Variants in BAHD1 observed in about 807,000 individuals in gnomAD.
BAHD1 encodes bromo adjacent homology domain-containing 1 protein.
Under a neutral mutation model 63.1 loss-of-function variants are expected in BAHD1, and 20 were observed. The ratio of observed to expected loss-of-function variants is 0.32; its 90% CI spans 0.22 to 0.46. BAHD1 has a LOEUF of 0.46. Ranked by LOEUF, BAHD1 falls within the 20% of genes least tolerant of loss-of-function variation. The pLI, the probability that BAHD1 is intolerant of heterozygous loss-of-function variation, is 1.00. For synonymous variants in BAHD1, 408 were observed against 426.8 expected, an observed-to-expected ratio of 0.96 and a Z score of 0.54; for missense variants, 939 against 1,071.8, an observed-to-expected ratio of 0.88 and a Z score of 1.73.
At position 40,459,202 on chromosome 15, in the gene BAHD1, G is replaced by A. The variant is rs200004145; in HGVS notation, c.738G>A (p.Arg246=). ...STEPPAPKAP[R]PKWPKVNGKN... ...AGCCCCCAGCACCCAAGGCCCCGAG[G>A]CCAAAGTGGCCCAAGGTCAATGGCA... Residue 246 remains arginine (R), a synonymous_variant, in exon 2 of 7, where the codon AGG becomes AGA. Transcript: ENST00000416165. 315 of 1,611,950 alleles carry A rather than the reference G, an allele frequency of 2.0e-4. 1 individual carries two copies. The highest frequency in any genetic ancestry group is 1.1e-5 in the South Asian group (1 of 90,976).
rs1457296706 is a variant in BAHD1 at position 40,466,018 on chromosome 15, A to G, written c.2231A>G (p.Tyr744Cys). Residue 744 changes from tyrosine to cysteine, a missense_variant, in exon 7 of 7, where the codon TAT becomes TGT. Around this residue, in one of 5 missense-constraint regions of BAHD1, gnomAD observed 68 missense variants for 86.2 expected, o/e 0.79. Coordinates refer to ENST00000416165, the MANE Select transcript of BAHD1 (RefSeq NM_014952.5). ...GCACTGGTTCCCCCCTCTGCAGACT[A>G]TTCCACCCCACCCCACCGCACAGTG... ...KTALVPPSAD[Y>C]STPPHRTVPE... 2 of 1,613,874 alleles carry G rather than the reference A, an allele frequency of 1.2e-6. No homozygotes were observed. The highest frequency in any genetic ancestry group is 1.7e-6 in the Non-Finnish European group (2 of 1,179,880).
At chr15:40,455,979 T>C (rs1217599946) in intron 1 of BAHD1, among the ~76,000 whole-genome samples, 1 of 152,134 alleles carries the variant, frequency 6.6e-6, no homozygotes, top group Non-Finnish European at 1.5e-5. Flanking sequence ...TTGTTGTTGT[T>C]GTTGTTGTTT....
chr15:40,437,827 G>C (rs1009157134), upstream of BAHD1, among the ~76,000 whole-genome samples: 67 of 152,198 alleles, frequency 4.4e-4, no homozygotes, highest in African/African-American at 1.6e-3. Flanking sequence ...GGGCTGGGCT[G>C]GAGATGACCG....
At position 40,467,142 on chromosome 15, in the gene BAHD1, G is replaced by A. The variant is rs1403709373; in HGVS notation, c.*1012G>A. The A allele has an allele frequency of 6.5e-6, 1 of 152,688 alleles. No individual in the cohort carries two copies. Among genetic ancestry groups the A allele is most frequent in the East Asian group, 1.9e-4 (1 of 5,194 alleles). 9.5% of individuals were successfully genotyped at this position (152,688 alleles called of 1,614,324 possible). ...CCTAGCAAGAATCAACACTGTATCA[G>A]TCCACGGACCTGCTGAGCTGCAGCC... On this transcript the variant is annotated 3_prime_UTR_variant, in exon 7 of 7. Transcript: ENST00000416165.
upstream of BAHD1, among the ~76,000 whole-genome samples, chr15:40,439,126 C>T (rs603787): frequency 0.36 from 55,021 of 152,110 alleles, 13,456 homozygotes; most frequent in East Asian, 0.7. Flanking sequence ...AATCTTTCAG[C>T]GTCCTACTTT....
chr15:40,460,949 T>TC (rs1180349630), intron 2 of BAHD1, among the ~76,000 whole-genome samples: 1 of 152,134 alleles, frequency 6.6e-6, no homozygotes, highest in African/African-American at 2.4e-5. Context: ...TAGACCCTTA[T>TC]CCCCTCTCCC....
At chr15:40,443,039 A>G (rs1893446386) in intron 1 of BAHD1, among the ~76,000 whole-genome samples, 2 of 152,206 alleles carry the variant, frequency 1.3e-5, no homozygotes, top group African/African-American at 2.4e-5. Context: ...CATGCCCTCC[A>G]TGTGAACCCC....
upstream of BAHD1, among the ~76,000 whole-genome samples, chr15:40,437,738 C>A (rs1384483538): frequency 1.3e-5 from 2 of 152,208 alleles, no homozygotes; most frequent in East Asian, 3.8e-4. Flanking sequence ...CGTTGGGGTG[C>A]CCTGCCTGGT....
chr15:40,460,921 T>G (rs980570446), intron 2 of BAHD1, among the ~76,000 whole-genome samples: 1 of 152,234 alleles, frequency 6.6e-6, no homozygotes, highest in Non-Finnish European at 1.5e-5. Flanking sequence ...CTTCTTTTTT[T>G]GTGCCATTCC....
chr15:40,458,890 C>A lies in BAHD1; in HGVS notation c.426C>A (p.Gly142=). The change falls in exon 2 of 7, where the codon GGC becomes GGA. Residue 142 remains glycine (G), a synonymous_variant. Transcript: ENST00000416165. The surrounding 1 kb of genome is among the most constrained non-coding windows in gnomAD (Gnocchi z 4.7). ...LEREDTSSLA[G]TRRSRAGDPH... is the part of the protein sequence containing the mutation. ...GAGAGGACACCAGCAGCCTGGCAGG[C>A]ACCCGCCGCAGTCGAGCAGGGGATC... 1 of 1,588,688 alleles carries A rather than the reference C, an allele frequency of 6.3e-7. No homozygotes were observed. The highest frequency in any genetic ancestry group is 8.6e-7 in the Non-Finnish European group (1 of 1,166,300).
upstream of BAHD1, among the ~76,000 whole-genome samples, chr15:40,440,459 G>C (rs1207100973): frequency 1.3e-5 from 2 of 151,928 alleles, no homozygotes; most frequent in East Asian, 3.9e-4. Context: ...AGCAGCCTCC[G>C]GCGAGGATGG....
In BAHD1 at chr15:40,466,238, C is replaced by G; in HGVS notation, c.*108C>G. 1.2e-5 allele frequency: 12 copies of G among 981,756 alleles called. No homozygotes were observed. The highest frequency in any genetic ancestry group is 1.8e-5 in the South Asian group (1 of 56,948). The allele number at this position is 981,756 out of a possible 1,614,324, so 60.8% of individuals were successfully genotyped here. On this transcript the variant is annotated 3_prime_UTR_variant, in exon 7 of 7. Transcript: ENST00000416165. Reference sequence around the variant, plus strand: ...AGGGGGCCACAGAGGCCTAAGTTTGCTGGCCTGTGGTTTTCTTGGGGGGGA... The same window carrying G: ...AGGGGGCCACAGAGGCCTAAGTTTGGTGGCCTGTGGTTTTCTTGGGGGGGA...
chr15:40,440,631 T>C (rs2141456468), upstream of BAHD1, among the ~76,000 whole-genome samples: 1 of 151,924 alleles, frequency 6.6e-6, no homozygotes, highest in East Asian at 1.9e-4. Context: ...CGGGCTCAGG[T>C]TCTGAAGACG....
upstream of BAHD1, among the ~76,000 whole-genome samples, chr15:40,437,836 C>T (rs1893308101): frequency 1.3e-5 from 2 of 152,086 alleles, no homozygotes. Flanking sequence ...TGGAGATGAC[C>T]GAGCAGCCAG....
chr15:40,442,432 C>T (rs755967129), intron 1 of BAHD1, among the ~76,000 whole-genome samples: 8 of 152,114 alleles, frequency 5.3e-5, no homozygotes, highest in Non-Finnish European at 1.0e-4. Context: ...GGGGTGTATG[C>T]TCATGATGTG....
chr15:40,448,689 A>C (rs529883175), intron 1 of BAHD1, among the ~76,000 whole-genome samples: 20 of 152,206 alleles, frequency 1.3e-4, no homozygotes, highest in African/African-American at 4.6e-4. Flanking sequence ...GGCACACACC[A>C]CCATGCCCGA....
rs886082428 is a variant in BAHD1 at position 40,459,830 on chromosome 15, C to T, written c.1366C>T (p.Pro456Ser). 4.3e-6 allele frequency: 7 copies of T among 1,611,636 alleles called. No homozygotes were observed. The highest frequency in any genetic ancestry group is 4.5e-5 in the East Asian group (2 of 44,850). The change falls in exon 2 of 7, where the codon CCC (proline) becomes TCC (serine). Residue 456 changes from proline to serine, a missense_variant. This residue lies in a region of BAHD1 where 797 missense variants were observed against 813.3 expected (regional missense o/e 0.98). Transcript: ENST00000416165. ...VNGYSICGVL[P>S]LSVTHAGTTC... ...TGGCTACAGCATCTGCGGAGTGTTG[C>T]CCCTGTCTGTTACCCACGCTGGCAC... is the stretch of plus-strand genomic sequence containing the variant.
chr15:40,463,998 C>A lies in BAHD1; in HGVS notation c.1953C>A (p.Ala651=), dbSNP rs766986121. 6.2e-7 allele frequency: 1 copy of A among 1,614,210 alleles called. No homozygotes were observed. The highest frequency in any genetic ancestry group is 2.2e-5 in the East Asian group (1 of 44,886). The change falls in exon 4 of 7, where the codon GCC becomes GCA. Residue 651 remains alanine, a synonymous_variant. Transcript: ENST00000416165. The part of the protein sequence containing the change: ...TSTPYVAKIS[A]LWENPESGEL... ...CACCTTATGTGGCCAAGATCTCTGC[C>A]CTCTGGGAGAACCCCGAGTCAGGTA...
At chr15:40,464,784 G>T (rs902821138) in intron 5 of BAHD1, 2 of 530,496 alleles carry the variant, frequency 3.8e-6, no homozygotes, top group Non-Finnish European at 6.7e-6. Flanking sequence ...AACAGAAAGG[G>T]AACCCTTGAG....
Sources: allele counts gnomAD v4.1 joint callset (sites outside exome capture counted in the v4.1 genomes callset), GRCh38; gene constraint gnomAD v4.1.1; regional missense constraint gnomAD v4.1.1; non-coding constraint Gnocchi (gnomAD v3.1); transcripts MANE v1.5; gene names NCBI Gene and HGNC (gene_info 2026-07-23, HGNC 2026-07-21).